PINX1: variants seen among roughly 807,000 people sequenced by gnomAD.
PINX1 encodes the protein PIN2 (TERF1) interacting telomerase inhibitor 1, also known as PIN2/TERF1-interacting telomerase inhibitor 1.
In PINX1, 34 loss-of-function variants were observed where a neutral mutation model predicts 25.4. The observed-to-expected ratio is 1.34, with a 90% confidence interval of 1.02 to 1.78. The LOEUF (loss-of-function observed/expected upper bound fraction) is 1.78, where lower values mean the gene tolerates loss of function less well. Ranked by LOEUF, PINX1 falls within the 40% of genes most tolerant of loss-of-function variation. The pLI, the probability that PINX1 is intolerant of heterozygous loss-of-function variation, is 0.00. For synonymous variants in PINX1, 197 were observed against 147.7 expected (o/e 1.33, Z -2.42); for missense variants, 592 against 404.9 (o/e 1.46, Z -3.97).
intron 1 of PINX1, 42 bp from the exon 2 acceptor site, chr8:10,834,817 C>G (rs148357250): frequency 7.2e-7 from 1 of 1,392,054 alleles, no homozygotes; most frequent in East Asian, 2.3e-5. Context: ...GGAGATGATA[C>G]CCGGAAAATA....
intron 4 of PINX1, 88 bp from the exon 5 acceptor site, chr8:10,826,332 T>G: frequency 1.5e-6 from 1 of 656,112 alleles, no homozygotes; most frequent in South Asian, 2.0e-5. Context: ...GAAAGAAAAT[T>G]TTAGGAGCCC....
At chr8:10,816,831 A>G (rs1481883297) in intron 6 of PINX1, among the ~76,000 whole-genome samples, 1 of 93,742 alleles carries the variant, frequency 1.1e-5, no homozygotes, top group African/African-American at 5.3e-5. Flanking sequence ...AATTGGACGG[A>G]CACAGATTTA....
chr8:10,823,182 G>T (rs901455355), intron 5 of PINX1, among the ~76,000 whole-genome samples: 4 of 152,190 alleles, frequency 2.6e-5, no homozygotes, highest in African/African-American at 7.2e-5. Context: ...GGGCGGGGCT[G>T]ACTGCGCTGT....
chr8:10,822,604 A>T (rs1360826916), intron 5 of PINX1, among the ~76,000 whole-genome samples: 1 of 152,218 alleles, frequency 6.6e-6, no homozygotes, highest in Non-Finnish European at 1.5e-5. Context: ...CCAGTCTATC[A>T]GAGTAGCTAC....
chr8:10,818,430 A>G (rs970161968), intron 6 of PINX1, among the ~76,000 whole-genome samples: 3 of 152,220 alleles, frequency 2.0e-5, no homozygotes, highest in Non-Finnish European at 2.9e-5. Context: ...GAAATCTGCC[A>G]GAGGATCAGA....
chr8:10,828,618 C>T (rs73662636), intron 4 of PINX1, among the ~76,000 whole-genome samples: 3 of 152,272 alleles, frequency 2.0e-5, no homozygotes, highest in East Asian at 3.9e-4. Context: ...ACCTGGTGAG[C>T]GTCTCTACCT....
chr8:10,765,613 C>A lies in PINX1; in HGVS notation c.775G>T (p.Glu259Ter), dbSNP rs748775964. The part of the protein sequence containing the change: ...VAKKKSAPAE[E>*]QLRGPCWDQS... ...TCCCAGCAGGGGCCTCTGAGCTGCTCTTCTGCTGGCGCGCTCTTCTTCTTG... is the reference window on the plus strand; with the variant it reads ...TCCCAGCAGGGGCCTCTGAGCTGCTATTCTGCTGGCGCGCTCTTCTTCTTG... Residue 259 changes from glutamate to a stop codon, truncating the protein, a stop_gained, in exon 7 of 7, where the codon GAG becomes TAG. Coordinates refer to ENST00000314787, the MANE Select transcript of PINX1 (RefSeq NM_017884.6). LOFTEE classifies it low-confidence loss of function (END_TRUNC). 2.4e-5 allele frequency: 38 copies of A among 1,613,844 alleles called. No individual in the cohort carries two copies. The highest frequency in any genetic ancestry group is 3.1e-5 in the Non-Finnish European group (36 of 1,179,882).
At chr8:10,814,643 C>T (rs1010654962) in intron 6 of PINX1, among the ~76,000 whole-genome samples, 6 of 152,210 alleles carry the variant, frequency 3.9e-5, no homozygotes, top group African/African-American at 1.4e-4. Context: ...ATGAGTACTT[C>T]CTACTCTCAG....
chr8:10,776,125 G>C (rs530957391), intron 6 of PINX1, among the ~76,000 whole-genome samples: 1 of 152,190 alleles, frequency 6.6e-6, no homozygotes, highest in Non-Finnish European at 1.5e-5. Context: ...AAAAGCTTTC[G>C]AGAATAAAAT....
At chr8:10,787,778 A>G (rs1801797593) in intron 6 of PINX1, 1 of 455,598 alleles carries the variant, frequency 2.2e-6, no homozygotes, top group Admixed American at 2.4e-5. Flanking sequence ...AATTCAGGAC[A>G]TGGGAAATTC....
chr8:10,811,363 C>G (rs1484145023), intron 6 of PINX1, among the ~76,000 whole-genome samples: 3 of 152,130 alleles, frequency 2.0e-5, no homozygotes, highest in African/African-American at 7.2e-5. Context: ...ACCTGATTTC[C>G]TCATTCTACT....
At position 10,765,382 on chromosome 8, in the gene PINX1, G is replaced by T; in HGVS notation, c.*19C>A. 1 of 1,568,072 alleles carries T rather than the reference G, an allele frequency of 6.4e-7. No homozygotes were observed. Among genetic ancestry groups the T allele is most frequent in the Non-Finnish European group, 8.6e-7 (1 of 1,162,556 alleles). On this transcript the variant is annotated 3_prime_UTR_variant, in exon 7 of 7. Coordinates refer to ENST00000314787, the MANE Select transcript of PINX1 (RefSeq NM_017884.6). ...TGCCCTGACAGCTGAGTGGTCGGAAGGCCCCGGCTGGGAAGGATTCATTTG... is the reference window on the plus strand; with the variant it reads ...TGCCCTGACAGCTGAGTGGTCGGAATGCCCCGGCTGGGAAGGATTCATTTG...
At chr8:10,811,748 G>C (rs991975336) in intron 6 of PINX1, among the ~76,000 whole-genome samples, 9 of 152,162 alleles carry the variant, frequency 5.9e-5, no homozygotes, top group Non-Finnish European at 1.3e-4. Flanking sequence ...CCTCCTCATA[G>C]CTTGGGGCTC....
chr8:10,775,821 C>A lies in PINX1; in HGVS notation c.472-9905G>T, dbSNP rs535163387. Among the ~76,000 whole-genome samples the A allele has an allele frequency of 2.0e-3, 305 of 152,252 alleles. 1 individual carries two copies. The highest frequency in any genetic ancestry group is 3.6e-3 in the Non-Finnish European group (247 of 68,022). Reference sequence around the variant, plus strand: ...TCATTTGCAAGACAGGGAAATAGGGCTCCTCAGTAACTTTTTTCAACATAG... The same window carrying A: ...TCATTTGCAAGACAGGGAAATAGGGATCCTCAGTAACTTTTTTCAACATAG... On this transcript the variant is annotated intron_variant, in intron 6 of 6. Coordinates refer to ENST00000314787, the MANE Select transcript of PINX1 (RefSeq NM_017884.6).
chr8:10,821,448 T>C lies in PINX1; in HGVS notation c.395-1179A>G, dbSNP rs1797864032. On this transcript the variant is annotated intron_variant, in intron 5 of 6. Transcript: ENST00000314787. ...TTCCTGCCAGGAGGGCAGGCTCCTCTGGGCTCTGGCTGCTGCTCTCCTTCC... is the reference window on the plus strand; with the variant it reads ...TTCCTGCCAGGAGGGCAGGCTCCTCCGGGCTCTGGCTGCTGCTCTCCTTCC... 2.0e-5 allele frequency among the ~76,000 whole-genome samples: 3 copies of C among 152,348 alleles called. 1 individual carries two copies. The Middle Eastern group carries it at 0.01, about 518-fold the overall frequency.
rs757948941 is a variant in PINX1, at chr8:10,765,555, C to G, written c.833G>C (p.Gly278Ala). ...QSSKASAQDA[G>A]DHVQPPEGRD... The stretch of plus-strand genomic sequence containing the variant: ...GCCCTCAGGCGGCTGCACATGGTCC[C>G]CTGCATCCTGAGCAGAGGCCTTGGA... The change falls in exon 7 of 7, where the codon GGG (glycine) becomes GCG (alanine). Residue 278 changes from glycine to alanine, a missense_variant. By Grantham distance (60) the Gly-to-Ala change is moderately conservative. Transcript: ENST00000314787. 6.2e-7 allele frequency: 1 copy of G among 1,613,788 alleles called. No individual in the cohort carries two copies. Among genetic ancestry groups the G allele is most frequent in the South Asian group, 1.1e-5 (1 of 91,082 alleles).
At chr8:10,791,989 A>T (rs1801937662) in intron 6 of PINX1, among the ~76,000 whole-genome samples, 1 of 151,686 alleles carries the variant, frequency 6.6e-6, no homozygotes, top group African/African-American at 2.4e-5. Context: ...CAGTGATGAG[A>T]CTCTTAACTC....
chr8:10,825,340 C>A (rs773387629), intron 5 of PINX1: 1 of 534,700 alleles, frequency 1.9e-6, no homozygotes, highest in East Asian at 5.4e-5. Flanking sequence ...CATCCAACCT[C>A]CCAGGAAAGA....
rs1048583439 is a variant in PINX1, at chr8:10,812,539, T to G, written c.471+7654A>C. 2.6e-5 allele frequency among the ~76,000 whole-genome samples: 4 copies of G among 152,172 alleles called. No homozygotes were observed. The East Asian group carries it at 7.7e-4, about 29-fold the overall frequency. The stretch of plus-strand genomic sequence containing the variant: ...ATGCAGGCTGCTTCCTTTTCCTGAG[T>G]TGTTACCTTTCGATGAATTTCATCA... On this transcript the variant is annotated intron_variant, in intron 6 of 6. Transcript: ENST00000314787.
Sources: gnomAD v4.1 joint callset for allele counts (sites outside exome capture counted in the v4.1 genomes callset) on GRCh38, gnomAD v4.1.1 for gene constraint, MANE v1.5 for transcripts, NCBI Gene and HGNC (gene_info 2026-07-23, HGNC 2026-07-21) for gene names.